The following FLT1 variants were observed in gnomAD, a reference collection of about 807,000 sequenced individuals.
FLT1 encodes vascular endothelial growth factor receptor 1.
Under a neutral mutation model 156.3 loss-of-function variants are expected in FLT1, and 49 were observed. The observed-to-expected ratio is 0.31, with a 90% CI of 0.25 to 0.40. The LOEUF is 0.40. Among genes scored for constraint, FLT1 ranks in the 10% least tolerant of loss-of-function variants. FLT1 has a pLI of 1.00. For missense variants in FLT1, 1,322 were observed against 1,637.2 expected, an observed-to-expected ratio of 0.81 and a Z score of 3.32; for synonymous variants, 594 against 583.8, an observed-to-expected ratio of 1.02 and a Z score of -0.25.
chr13:28,397,749 CGTGTGTGTGTGTGTGTGT>C (rs35710786), intron 11 of FLT1, among the ~76,000 whole-genome samples: 5 of 129,800 alleles, frequency 3.9e-5, no homozygotes, highest in African/African-American at 5.7e-5. Flanking sequence ...TGAAGGAGAC[CGTGTGTGTGTGTGTGTGT>C]GTGTGTGTGT....
intron 14 of FLT1, among the ~76,000 whole-genome samples, chr13:28,366,288 C>T (rs1873290470): frequency 6.6e-6 from 1 of 152,054 alleles, no homozygotes; most frequent in Admixed American, 6.6e-5. Flanking sequence ...ATGATCTGGC[C>T]CCTTCCTATC....
rs116370441 is a variant in FLT1 at position 28,404,586 on chromosome 13, G to A, written c.1551+1194C>T. Among the ~76,000 whole-genome samples the A allele has an allele frequency of 5.7e-3, 864 of 152,338 alleles. 6 individuals carry two copies. Among genetic ancestry groups the A allele is most frequent in the African/African-American group, 0.019 (804 of 41,582 alleles). On this transcript the variant is annotated intron_variant, in intron 11 of 29. Coordinates refer to ENST00000282397, the MANE Select transcript of FLT1 (RefSeq NM_002019.4). ...ACTTTGTCATCTTCAAGTGCAAAGT[G>A]TACGGCTGAATAGATGACATAAGCA... is the stretch of plus-strand genomic sequence containing the variant.
chr13:28,457,654 A>G (rs1376455832), intron 3 of FLT1, among the ~76,000 whole-genome samples: 1 of 152,234 alleles, frequency 6.6e-6, no homozygotes, highest in East Asian at 1.9e-4. Flanking sequence ...CTCATCTCCA[A>G]GCAAGGCAAG....
chr13:28,360,245 A>G (rs1340232349), intron 14 of FLT1, among the ~76,000 whole-genome samples: 1 of 152,254 alleles, frequency 6.6e-6, no homozygotes, highest in Non-Finnish European at 1.5e-5. Context: ...GTGGCATTAT[A>G]AATTGTTACG....
At chr13:28,382,178 G>T (rs1482592422) in intron 14 of FLT1, among the ~76,000 whole-genome samples, 1 of 152,190 alleles carries the variant, frequency 6.6e-6, no homozygotes, top group Non-Finnish European at 1.5e-5. Context: ...ACTCACGGAG[G>T]ATCTGCCTCC....
At chr13:28,368,673 C>G (rs1478447360) in intron 14 of FLT1, 2 of 778,660 alleles carry the variant, frequency 2.6e-6, no homozygotes, top group Non-Finnish European at 4.4e-6. Context: ...TCTAGGTACA[C>G]AGTAAATAAT....
intron 15 of FLT1, among the ~76,000 whole-genome samples, chr13:28,354,265 C>T (rs756222490): frequency 7.9e-5 from 12 of 152,212 alleles, no homozygotes; most frequent in Non-Finnish European, 1.8e-4. Context: ...ATTCAAGATA[C>T]TGCATCTGAC....
At chr13:28,424,393 C>T (rs1364690365) in intron 10 of FLT1, among the ~76,000 whole-genome samples, 1 of 152,084 alleles carries the variant, frequency 6.6e-6, no homozygotes, top group Non-Finnish European at 1.5e-5. Context: ...CTAGGCAAAA[C>T]GAAAGCCACA....
intron 11 of FLT1, among the ~76,000 whole-genome samples, chr13:28,398,877 C>A (rs185903661): frequency 1.1e-4 from 16 of 152,272 alleles, no homozygotes; most frequent in Admixed American, 9.8e-4. Flanking sequence ...ATTATTCTCT[C>A]TTTTGCAAGG....
chr13:28,409,202 T>C (rs571552673), intron 10 of FLT1, among the ~76,000 whole-genome samples: 32 of 152,236 alleles, frequency 2.1e-4, no homozygotes, highest in South Asian at 1.7e-3. Context: ...ATGCTTTGGG[T>C]TGATTTTCTT....
At chr13:28,370,109 G>C (rs1219183668) in intron 14 of FLT1, among the ~76,000 whole-genome samples, 1 of 151,874 alleles carries the variant, frequency 6.6e-6, no homozygotes, top group Non-Finnish European at 1.5e-5. Flanking sequence ...AGGTGGGAGA[G>C]TTGGGAGGAG....
chr13:28,487,129 C>A (rs1037830143), intron 1 of FLT1, among the ~76,000 whole-genome samples: 1 of 152,214 alleles, frequency 6.6e-6, no homozygotes, highest in Non-Finnish European at 1.5e-5. Flanking sequence ...TTTAAAATTA[C>A]CTATGCCTAG....
At chr13:28,397,730 G>A (rs562395884) in intron 11 of FLT1, among the ~76,000 whole-genome samples, 2 of 149,570 alleles carry the variant, frequency 1.3e-5, no homozygotes, top group Non-Finnish European at 3.0e-5. Flanking sequence ...ATGCAGCACT[G>A]GATGGTCCTG....
rs1206009070 is a variant in FLT1, at chr13:28,494,887, G to T, written c.-44C>A. The T allele has an allele frequency of 1.4e-6, 2 of 1,475,526 alleles. No individual in the cohort carries two copies. Among genetic ancestry groups the T allele is most frequent in the South Asian group, 1.2e-5 (1 of 80,090 alleles). 91.4% of individuals were successfully genotyped at this position (1,475,526 alleles called of 1,614,324 possible). A position where few individuals can be genotyped will look rare whatever the true frequency, so the allele number is the denominator to read the frequency against. On this transcript the variant is annotated 5_prime_UTR_variant, in exon 1 of 30. Coordinates refer to ENST00000282397, the MANE Select transcript of FLT1 (RefSeq NM_002019.4). ...TGCTCGCCCGGTGCCCGCGCTCCCC[G>T]CGGCCAACGACCCGGCCGCCAGAGT...
In FLT1 at chr13:28,467,533, T is replaced by C. The variant is rs1224504477; in HGVS notation, c.149A>G (p.His50Arg). Residue 50 changes from histidine (H) to arginine (R), a missense_variant, in exon 2 of 30, where the codon CAT (histidine) becomes CGT (arginine). Transcript: ENST00000282397. ...QHIMQAGQTL[H>R]LQCRGEAAHK... The stretch of plus-strand genomic sequence containing the variant: ...CACAGCCACTTACCTGCATTGGAGA[T>C]GCAGTGTCTGGCCTGCTTGCATGAT... 6.2e-7 allele frequency: 1 copy of C among 1,604,990 alleles called. No individual in the cohort carries two copies.
intron 1 of FLT1, among the ~76,000 whole-genome samples, chr13:28,472,836 C>T (rs1259604799): frequency 6.6e-6 from 1 of 152,144 alleles, no homozygotes; most frequent in East Asian, 1.9e-4. Context: ...AAATTCTGAT[C>T]CTGGGGTCAC....
intron 20 of FLT1, among the ~76,000 whole-genome samples, chr13:28,325,461 C>T (rs1055123661): frequency 1.3e-5 from 2 of 152,114 alleles, no homozygotes; most frequent in Non-Finnish European, 2.9e-5. Flanking sequence ...CTTCTCTGAA[C>T]GCATCTGCAG....
intron 3 of FLT1, among the ~76,000 whole-genome samples, chr13:28,442,422 T>C (rs557710473): frequency 2.0e-5 from 3 of 152,328 alleles, no homozygotes; most frequent in African/African-American, 7.2e-5. Context: ...TGAATACCAA[T>C]CCCAAATGAA....
chr13:28,311,548 T>C, intron 27 of FLT1, 42 bp downstream of exon 27: 2 of 1,541,888 alleles, frequency 1.3e-6, no homozygotes, highest in Admixed American at 1.7e-5. Context: ...CTTTTTTTTG[T>C]TGGAAAATTC....
Sources: allele counts gnomAD v4.1 joint callset (sites outside exome capture counted in the v4.1 genomes callset), GRCh38; gene constraint gnomAD v4.1.1; transcripts MANE v1.5; gene names NCBI Gene and HGNC (gene_info 2026-07-23, HGNC 2026-07-21).